Variants in YAF2 observed in about 807,000 individuals in gnomAD.
YAF2 encodes the protein YY1-associated factor 2.
In YAF2, 7 loss-of-function variants were observed where a neutral mutation model predicts 20.1. The ratio of observed to expected loss-of-function variants is 0.35; its 90% CI spans 0.20 to 0.65. The LOEUF is 0.65. Ranked by LOEUF, YAF2 falls within the 30% of genes least tolerant of loss-of-function variation. YAF2 has a pLI of 0.69. For synonymous variants in YAF2, 74 were observed against 76.0 expected, an observed-to-expected ratio of 0.97 and a Z score of 0.14; for missense variants, 151 against 219.2, an observed-to-expected ratio of 0.69 and a Z score of 1.96.
At chr12:42,236,038 T>C (rs1256624883) in intron 2 of YAF2, 1 of 1,533,166 alleles carries the variant, frequency 6.5e-7, no homozygotes, top group Non-Finnish European at 8.7e-7. Flanking sequence ...TCAGTATTTT[T>C]CTAATGGCTA....
chr12:42,189,585 T>C (rs1490667952), intron 2 of YAF2, among the ~76,000 whole-genome samples: 1 of 152,210 alleles, frequency 6.6e-6, no homozygotes, highest in Non-Finnish European at 1.5e-5. Flanking sequence ...TGTGTATATG[T>C]ATATGTGACT....
intron 2 of YAF2, among the ~76,000 whole-genome samples, chr12:42,225,856 TACAGGCTCTTTTTTGGTTCC>T (rs1232316011): frequency 6.6e-6 from 1 of 152,234 alleles, no homozygotes; most frequent in Non-Finnish European, 1.5e-5. Flanking sequence ...GTTTTGGGTA[TACAGGCTCTTTTTTGGTTCC>T]ACATGAAATT....
At chr12:42,208,755 T>G (rs927532113) in intron 2 of YAF2, among the ~76,000 whole-genome samples, 1 of 152,142 alleles carries the variant, frequency 6.6e-6, no homozygotes, top group Non-Finnish European at 1.5e-5. Flanking sequence ...GAAATCAGAA[T>G]GCAGAAAAGG....
chr12:42,205,378 C>CTT (rs572839071), intron 2 of YAF2, among the ~76,000 whole-genome samples: 91 of 140,676 alleles, frequency 6.5e-4, no homozygotes, highest in African/African-American at 2.1e-3. Context: ...TGCTTCTTCT[C>CTT]TTTTTTTTTT....
chr12:42,221,477 T>G (rs2067510654), intron 2 of YAF2, among the ~76,000 whole-genome samples: 1 of 152,132 alleles, frequency 6.6e-6, no homozygotes, highest in African/African-American at 2.4e-5. Flanking sequence ...AGGTTGAGCT[T>G]GAGCCCAGGA....
At chr12:42,161,411 T>C in intron 3 of YAF2, 1 of 461,572 alleles carries the variant, frequency 2.2e-6, no homozygotes, top group Non-Finnish European at 3.5e-6. Context: ...GAAAAAAGCA[T>C]CATCACATTT....
At chr12:42,238,022 G>T in intron 1 of YAF2, 133 bp downstream of exon 1, 2 of 665,834 alleles carry the variant, frequency 3.0e-6, no homozygotes, top group Non-Finnish European at 4.0e-6. Flanking sequence ...TCAAGCGGCA[G>T]CACTCGCACA....
intron 2 of YAF2, among the ~76,000 whole-genome samples, chr12:42,218,470 A>T (rs2067425094): frequency 6.6e-6 from 1 of 152,098 alleles, no homozygotes; most frequent in South Asian, 2.1e-4. Context: ...GTGGCCTATG[A>T]ATTGTTGTTT....
intron 2 of YAF2, among the ~76,000 whole-genome samples, chr12:42,175,106 C>T (rs544773801): frequency 3.6e-4 from 54 of 152,086 alleles, no homozygotes; most frequent in African/African-American, 1.3e-3. Context: ...TGTAATGGCC[C>T]AAAACTGAAA....
At chr12:42,181,817 G>A (rs1241529634) in intron 2 of YAF2, among the ~76,000 whole-genome samples, 1 of 152,176 alleles carries the variant, frequency 6.6e-6, no homozygotes, top group African/African-American at 2.4e-5. Flanking sequence ...TAACTGTGAT[G>A]TCTATGCCAA....
At chr12:42,210,321 A>G in intron 2 of YAF2, 1 of 1,439,026 alleles carries the variant, frequency 6.9e-7, no homozygotes, top group Middle Eastern at 2.0e-4. Context: ...GGGGGGAAAA[A>G]AAATCTCAGG....
At chr12:42,196,375 T>C (rs891685179) in intron 2 of YAF2, among the ~76,000 whole-genome samples, 1 of 151,696 alleles carries the variant, frequency 6.6e-6, no homozygotes, top group Non-Finnish European at 1.5e-5. Flanking sequence ...TACAGGTTAA[T>C]GGAAAGAGGT....
At chr12:42,169,440 T>C (rs1249676419) in intron 2 of YAF2, among the ~76,000 whole-genome samples, 1 of 152,010 alleles carries the variant, frequency 6.6e-6, no homozygotes, top group Non-Finnish European at 1.5e-5. Flanking sequence ...TTCGGAGACA[T>C]AGTCTCACTG....
intron 2 of YAF2, among the ~76,000 whole-genome samples, chr12:42,218,920 A>G (rs1366884215): frequency 6.6e-6 from 1 of 152,188 alleles, no homozygotes; most frequent in African/African-American, 2.4e-5. Context: ...CTTTCAAGAA[A>G]GAAAGCTTCA....
intron 2 of YAF2, among the ~76,000 whole-genome samples, chr12:42,214,068 A>G (rs926535263): frequency 6.6e-6 from 1 of 152,210 alleles, no homozygotes; most frequent in East Asian, 1.9e-4. Flanking sequence ...TAAACTCATT[A>G]AATGGCTTGT....
intron 2 of YAF2, chr12:42,234,879 T>C (rs2068096899): frequency 2.7e-6 from 2 of 735,866 alleles, no homozygotes; most frequent in Non-Finnish European, 3.3e-6. Flanking sequence ...TTTCAGCTAC[T>C]TGGGAGGCTG....
intron 2 of YAF2, among the ~76,000 whole-genome samples, chr12:42,194,461 C>T (rs764478482): frequency 3.3e-5 from 5 of 152,018 alleles, no homozygotes; most frequent in Non-Finnish European, 5.9e-5. Context: ...CTGGCCAACA[C>T]GGTGAAAACC....
At chr12:42,165,046 C>T (rs1487908740) in intron 2 of YAF2, among the ~76,000 whole-genome samples, 1 of 149,666 alleles carries the variant, frequency 6.7e-6, no homozygotes, top group East Asian at 1.9e-4. Context: ...CAGAGTGAGA[C>T]CCTGTCTTCT....
intron 2 of YAF2, among the ~76,000 whole-genome samples, chr12:42,226,520 C>G (rs1310174590): frequency 6.6e-6 from 1 of 152,014 alleles, no homozygotes; most frequent in Non-Finnish European, 1.5e-5. Context: ...AAAAATTAGC[C>G]AGACATAGTG....
Sources: allele counts gnomAD v4.1 joint callset (sites outside exome capture counted in the v4.1 genomes callset), GRCh38; gene constraint gnomAD v4.1.1; transcripts MANE v1.5; gene names NCBI Gene and HGNC (gene_info 2026-07-23, HGNC 2026-07-21).